Variants in STXBP6 observed in about 807,000 individuals in gnomAD.
STXBP6 encodes the protein syntaxin binding protein 6, also known as syntaxin-binding protein 6.
In STXBP6, 21 loss-of-function variants were observed where a neutral mutation model predicts 26.9. The observed-to-expected ratio is 0.78, with a 90% CI of 0.55 to 1.12. The LOEUF is 1.12. STXBP6 is among the 50% of genes most tolerant of loss of function. The pLI is 0.00. For synonymous variants in STXBP6, 97 were observed against 92.6 expected (o/e 1.05, Z -0.27); for missense variants, 232 against 257.9 (o/e 0.90, Z 0.69).
At chr14:24,964,681 G>T (rs147530943) in intron 2 of STXBP6, among the ~76,000 whole-genome samples, 27 of 150,464 alleles carry the variant, frequency 1.8e-4, no homozygotes, top group Admixed American at 1.7e-3. Context: ...GTGTGTGTGT[G>T]TATGTAAAGG....
chr14:25,029,068 C>G (rs1464149648), intron 1 of STXBP6, among the ~76,000 whole-genome samples: 40 of 152,128 alleles, frequency 2.6e-4, no homozygotes, highest in Admixed American at 2.6e-3. Context: ...ATGCTGTGAA[C>G]ATTGTTGAAG....
intron 1 of STXBP6, among the ~76,000 whole-genome samples, chr14:24,980,949 A>T (rs1380049952): frequency 6.6e-6 from 1 of 152,162 alleles, no homozygotes; most frequent in East Asian, 1.9e-4. Flanking sequence ...GATTCAGGGG[A>T]TCTGGGGCTA....
chr14:24,846,233 G>T (rs533355372), intron 4 of STXBP6, among the ~76,000 whole-genome samples: 1 of 152,238 alleles, frequency 6.6e-6, no homozygotes, highest in East Asian at 1.9e-4. Flanking sequence ...AGTTATAAAA[G>T]TTCTTTAGTG....
chr14:25,013,054 G>A (rs1051598593), intron 1 of STXBP6, among the ~76,000 whole-genome samples: 6 of 152,116 alleles, frequency 3.9e-5, no homozygotes, highest in African/African-American at 1.4e-4. Flanking sequence ...ATAGTTGCAC[G>A]GCACTCCAGC....
chr14:24,905,419 A>G (rs886879274), intron 2 of STXBP6, among the ~76,000 whole-genome samples: 3 of 152,218 alleles, frequency 2.0e-5, no homozygotes, highest in Non-Finnish European at 4.4e-5. Flanking sequence ...CCTGGAATGC[A>G]GCAGATGTTT....
At chr14:24,856,879 T>G in intron 3 of STXBP6, 148 bp downstream of exon 3, 1 of 930,340 alleles carries the variant, frequency 1.1e-6, no homozygotes, top group Non-Finnish European at 1.6e-6. Flanking sequence ...AAGAAAGGAC[T>G]CTGTATCCGA....
chr14:24,947,098 T>A (rs1029748705), intron 2 of STXBP6, among the ~76,000 whole-genome samples: 2 of 152,218 alleles, frequency 1.3e-5, no homozygotes, highest in Non-Finnish European at 2.9e-5. Flanking sequence ...AAGTGGCCCG[T>A]ATATCGGTAA....
intron 4 of STXBP6, among the ~76,000 whole-genome samples, chr14:24,839,681 C>CTGTT (rs1156571865): frequency 6.6e-6 from 1 of 152,216 alleles, no homozygotes; most frequent in Admixed American, 6.5e-5. Flanking sequence ...GCGCCGGGCA[C>CTGTT]TGTTCAAAGT....
chr14:24,964,033 G>A (rs993320481), intron 2 of STXBP6, among the ~76,000 whole-genome samples: 16 of 148,578 alleles, frequency 1.1e-4, no homozygotes, highest in African/African-American at 4.0e-4. Flanking sequence ...CAGAGTGAAC[G>A]TGTGAGCTCA....
At chr14:24,960,224 T>C (rs1485300561) in intron 2 of STXBP6, among the ~76,000 whole-genome samples, 1 of 152,202 alleles carries the variant, frequency 6.6e-6, no homozygotes, top group Non-Finnish European at 1.5e-5. Context: ...GGCAGTTATA[T>C]GCTCACTACT....
chr14:24,948,143 A>C (rs2073053383), intron 2 of STXBP6, among the ~76,000 whole-genome samples: 1 of 152,104 alleles, frequency 6.6e-6, no homozygotes, highest in Non-Finnish European at 1.5e-5. Context: ...AGAAAGCAAA[A>C]ATGTTTCAAA....
chr14:24,936,256 C>T (rs2072593371), intron 2 of STXBP6, among the ~76,000 whole-genome samples: 1 of 152,100 alleles, frequency 6.6e-6, no homozygotes, highest in Non-Finnish European at 1.5e-5. Flanking sequence ...GCTCCCCCTC[C>T]TCCTCACATA....
chr14:24,948,618 C>T (rs1028510520), intron 2 of STXBP6, among the ~76,000 whole-genome samples: 1 of 151,994 alleles, frequency 6.6e-6, no homozygotes, highest in African/African-American at 2.4e-5. Flanking sequence ...GGAGCAAGCA[C>T]CATGTTTACT....
At chr14:24,901,144 AT>A (rs60109955) in intron 2 of STXBP6, among the ~76,000 whole-genome samples, 13 of 150,612 alleles carry the variant, frequency 8.6e-5, no homozygotes, top group African/African-American at 1.2e-4. Flanking sequence ...TATAGACAGG[AT>A]TTTTTTTTTC....
At chr14:25,000,355 G>GCC (rs1171906025) in intron 1 of STXBP6, among the ~76,000 whole-genome samples, 1 of 149,466 alleles carries the variant, frequency 6.7e-6, no homozygotes, top group Non-Finnish European at 1.5e-5. Flanking sequence ...GAGCCACCGT[G>GCC]CCTGGCCTTT....
chr14:24,837,983 C>G (rs903540939), intron 4 of STXBP6, among the ~76,000 whole-genome samples: 2 of 152,184 alleles, frequency 1.3e-5, no homozygotes, highest in African/African-American at 2.4e-5. Context: ...AAATTCTGAT[C>G]AAAGATCTAG....
intron 2 of STXBP6, among the ~76,000 whole-genome samples, chr14:24,861,105 G>T (rs950025342): frequency 3.9e-5 from 6 of 152,122 alleles, no homozygotes; most frequent in East Asian, 1.9e-4. Context: ...TTGATGTTCA[G>T]GGTGGCTAAA....
At chr14:24,865,152 G>A (rs532069880) in intron 2 of STXBP6, among the ~76,000 whole-genome samples, 1 of 152,158 alleles carries the variant, frequency 6.6e-6, no homozygotes, top group South Asian at 2.1e-4. Context: ...CTAATCCTGT[G>A]GCTACATCCA....
intron 5 of STXBP6, chr14:24,816,899 T>G (rs1320845367): frequency 6.6e-6 from 1 of 152,148 alleles, no homozygotes; most frequent in Non-Finnish European, 1.5e-5. Context: ...ATTATGTGAC[T>G]GAATAGGGCA....
Sources: gnomAD v4.1 joint callset for allele counts (sites outside exome capture counted in the v4.1 genomes callset) on GRCh38, gnomAD v4.1.1 for gene constraint, MANE v1.5 for transcripts, NCBI Gene and HGNC (gene_info 2026-07-23, HGNC 2026-07-21) for gene names.